ADGRG1: variants seen among roughly 807,000 people sequenced by gnomAD.
The protein encoded by ADGRG1 is adhesion G protein-coupled receptor G1, also known as 7-transmembrane protein with no EGF-like N-terminal domains-1.
Under a neutral mutation model 73.5 loss-of-function variants are expected in ADGRG1, and 53 were observed. That is an observed-to-expected ratio of 0.72 (90% CI 0.58 to 0.91). The LOEUF (loss-of-function observed/expected upper bound fraction) is 0.91, where lower values mean the gene tolerates loss of function less well. Among genes scored for constraint, ADGRG1 ranks in the 40% least tolerant of loss-of-function variants. The pLI is 0.00. For synonymous variants in ADGRG1, 394 were observed against 374.4 expected (o/e 1.05, Z -0.60); for missense variants, 795 against 871.8 (o/e 0.91, Z 1.11).
In ADGRG1 at chr16:57,651,373, T is replaced by A. The variant is rs372630305; in HGVS notation, c.238T>A (p.Ser80Thr). 46 of 1,614,002 alleles carry A rather than the reference T, an allele frequency of 2.9e-5. No individual in the cohort carries two copies. The highest frequency in any genetic ancestry group is 1.2e-4 in the African/African-American group (9 of 74,898). Residue 80 changes from serine to threonine, a missense_variant, in exon 3 of 14, where the codon TCC (serine) becomes ACC (threonine). Coordinates refer to ENST00000562631, the MANE Select transcript of ADGRG1 (RefSeq NM_201525.4). Reference sequence around the variant, plus strand: ...CCCTGCAGCCCACCCTGCTTCCCGATCCTTCCCTGACCCCAGGGGCCTCTA... The same window carrying A: ...CCCTGCAGCCCACCCTGCTTCCCGAACCTTCCCTGACCCCAGGGGCCTCTA... ...PFPAAHPASRSFPDPRGLYHF... is the reference protein window; with the variant it reads ...PFPAAHPASRTFPDPRGLYHF...
At chr16:57,631,350 T>C in intron 1 of ADGRG1, 1 of 985,794 alleles carries the variant, frequency 1.0e-6, no homozygotes, top group Non-Finnish European at 1.2e-6. Context: ...TCCGCCATCC[T>C]GTGCAGAAGC....
chr16:57,644,986 GCA>G (rs1219499583), intron 1 of ADGRG1: 45 of 783,848 alleles, frequency 5.7e-5, no homozygotes, highest in Admixed American at 3.8e-4. Context: ...ACACCCCCAT[GCA>G]CACACACATG....
chr16:57,658,879 C>A, intron 10 of ADGRG1: 1 of 844,342 alleles, frequency 1.2e-6, no homozygotes, highest in Non-Finnish European at 1.4e-6. Context: ...CAGGGTGGGA[C>A]TCCAGGATGG....
At chr16:57,646,828 C>T in intron 1 of ADGRG1, 2 of 816,648 alleles carry the variant, frequency 2.4e-6, no homozygotes, top group Non-Finnish European at 3.0e-6. Flanking sequence ...GGTGTGATAA[C>T]GTGGATGTCA....
intron 4 of ADGRG1, 86 bp from the exon 5 acceptor site, chr16:57,653,900 G>C: frequency 6.3e-7 from 1 of 1,596,882 alleles, no homozygotes; most frequent in South Asian, 1.1e-5. Context: ...CTGTGTCTCT[G>C]TCTGAGTCTC....
chr16:57,655,913 T>A lies in ADGRG1; in HGVS notation c.938T>A (p.Leu313Ter). ...NSSQVLGEKVLGIVVQNTKVA... is the reference protein window; with the variant it reads ...NSSQVLGEKV ...AGCCAAGTCCTGGGTGAGAAGGTCT[T>A]GGGGATTGTGGTACAGAACACCAAA... Residue 313 changes from leucine (L) to a stop codon, truncating the protein, a stop_gained, in exon 7 of 14, where the codon TTG becomes TAG. Transcript: ENST00000562631. LOFTEE classifies it high-confidence loss of function. 5 of 1,614,098 alleles carry A rather than the reference T, an allele frequency of 3.1e-6. No individual in the cohort carries two copies. Among genetic ancestry groups the A allele is most frequent in the Non-Finnish European group, 4.2e-6 (5 of 1,180,006 alleles).
intron 4 of ADGRG1, 183 bp from the exon 5 acceptor site, chr16:57,653,803 T>C (rs1450784508): frequency 1.0e-6 from 1 of 984,914 alleles, no homozygotes; most frequent in Non-Finnish European, 1.2e-6. Flanking sequence ...CACACGCAGA[T>C]GCCTGCTTTT....
chr16:57,654,844 C>T (rs980810889), intron 5 of ADGRG1, among the ~76,000 whole-genome samples: 14 of 152,222 alleles, frequency 9.2e-5, no homozygotes, highest in African/African-American at 2.4e-4. Context: ...TGTGCCACTA[C>T]ACTCCAGCCT....
chr16:57,638,006 G>C (rs1567695741), intron 1 of ADGRG1, among the ~76,000 whole-genome samples: 1 of 152,174 alleles, frequency 6.6e-6, no homozygotes, highest in Non-Finnish European at 1.5e-5. Context: ...TCTAACCCCT[G>C]GTTCTTTTCT....
chr16:57,651,397 T>C lies in ADGRG1; in HGVS notation c.262T>C (p.Tyr88His). The stretch of plus-strand genomic sequence containing the variant: ...ATCCTTCCCTGACCCCAGGGGCCTC[T>C]ACCACTTCTGCCTCTACTGGAACCG... ...SRSFPDPRGL[Y>H]HFCLYWNRHA... Residue 88 changes from tyrosine to histidine, a missense_variant, in exon 3 of 14, where the codon TAC (tyrosine) becomes CAC (histidine). Physicochemically the swap from Tyr to His is moderately conservative, Grantham distance 83. Coordinates refer to ENST00000562631, the MANE Select transcript of ADGRG1 (RefSeq NM_201525.4). 6.2e-7 allele frequency: 1 copy of C among 1,614,198 alleles called. No individual in the cohort carries two copies. Among genetic ancestry groups the C allele is most frequent in the Non-Finnish European group, 8.5e-7 (1 of 1,180,024 alleles).
upstream of ADGRG1, chr16:57,623,869 A>G: frequency 1.0e-6 from 1 of 971,110 alleles, no homozygotes. Context: ...CATTGGCCGC[A>G]AAACACATGG....
At chr16:57,652,746 G>A in intron 3 of ADGRG1, 2 of 1,026,432 alleles carry the variant, frequency 1.9e-6, no homozygotes, top group Non-Finnish European at 2.3e-6. Context: ...CTGAGTCCCA[G>A]CTAATCCCTG....
At chr16:57,650,460 G>T in intron 2 of ADGRG1, 109 bp downstream of exon 2, 1 of 1,589,600 alleles carries the variant, frequency 6.3e-7, no homozygotes, top group Non-Finnish European at 8.6e-7. Flanking sequence ...GTTACAGCTC[G>T]GCTAGTGGAG....
At chr16:57,653,573 A>C in intron 4 of ADGRG1, 1 of 985,288 alleles carries the variant, frequency 1.0e-6, no homozygotes. Flanking sequence ...CCCCTCATAA[A>C]GAAAGGATGG....
chr16:57,656,527 G>T lies in ADGRG1; in HGVS notation c.1077G>T (p.Gly359=), dbSNP rs746735615. The T allele has an allele frequency of 1.1e-5, 17 of 1,613,040 alleles. No homozygotes were observed. Among genetic ancestry groups the T allele is most frequent in the Non-Finnish European group, 1.4e-5 (16 of 1,179,142 alleles). ...TCCCCTCCTCAGTGAGCAGCCCGGG[G>T]CATTGGAGCAGTGCTGGGTGTGAGA... ...WVEDPTLSSP[G]HWSSAGCETV... Residue 359 remains glycine (G), a synonymous_variant, in exon 9 of 14, where the codon GGG becomes GGT. Transcript: ENST00000562631.
At chr16:57,657,233 C>G in intron 9 of ADGRG1, 140 bp from the exon 10 acceptor site, 2 of 1,215,434 alleles carry the variant, frequency 1.6e-6, no homozygotes, top group Non-Finnish European at 2.3e-6. Flanking sequence ...CTTATGGGAC[C>G]ACATTCTGCT....
upstream of ADGRG1, chr16:57,623,068 A>G (rs2035170860): frequency 1.0e-6 from 1 of 984,820 alleles, no homozygotes; most frequent in Non-Finnish European, 1.2e-6. Flanking sequence ...AGGCAGCTCT[A>G]ATCCTGTGTG....
At chr16:57,655,136 C>T (rs932908689) in intron 5 of ADGRG1, 1 of 985,368 alleles carries the variant, frequency 1.0e-6, no homozygotes, top group South Asian at 4.7e-5. Flanking sequence ...ATCTGAAGCC[C>T]CAGACAACAG....
chr16:57,657,442 G>A lies in ADGRG1; in HGVS notation c.1237G>A (p.Val413Ile), dbSNP rs372354417. Residue 413 changes from valine (V) to isoleucine (I), a missense_variant, in exon 10 of 14, where the codon GTC becomes ATC. Physicochemically the swap from Val to Ile is conservative, Grantham distance 29. Coordinates refer to ENST00000562631, the MANE Select transcript of ADGRG1 (RefSeq NM_201525.4). ...CCTCCTCTCCTACGTGGGCTGTGTC[G>A]TCTCTGCCCTGGCCTGCCTTGTCAC... ...LSLLSYVGCVVSALACLVTIA... is the reference protein window; with the variant it reads ...LSLLSYVGCVISALACLVTIA... 3.5e-5 allele frequency: 56 copies of A among 1,613,998 alleles called. No homozygotes were observed. The highest frequency in any genetic ancestry group is 3.3e-4 in the Middle Eastern group (2 of 6,084).
Sources: gnomAD v4.1 joint callset for allele counts (sites outside exome capture counted in the v4.1 genomes callset) on GRCh38, gnomAD v4.1.1 for gene constraint, MANE v1.5 for transcripts, NCBI Gene and HGNC (gene_info 2026-07-23, HGNC 2026-07-21) for gene names.